The following DNAH7 variants were observed in gnomAD, a reference collection of about 807,000 sequenced individuals.
DNAH7 encodes dynein axonemal heavy chain 7, also known as axonemal beta dynein heavy chain 7.
DNAH7 carries 397 observed loss-of-function variants against 444.6 expected under a neutral mutation model. That is an observed-to-expected ratio of 0.89 (90% CI 0.82 to 0.97). The LOEUF is 0.97. Ranked by LOEUF, DNAH7 falls within the 50% of genes least tolerant of loss-of-function variation. DNAH7 has a pLI of 0.00. For missense variants in DNAH7, 4,902 were observed against 4,800.8 expected, an observed-to-expected ratio of 1.02 and a Z score of -0.62; for synonymous variants, 1,636 against 1,624.4, an observed-to-expected ratio of 1.01 and a Z score of -0.17.
intron 2 of DNAH7, among the ~76,000 whole-genome samples, chr2:196,051,748 C>T (rs1219214444): frequency 2.0e-5 from 3 of 151,930 alleles, no homozygotes; most frequent in Non-Finnish European, 4.4e-5. Flanking sequence ...GCCTGGGCGA[C>T]AGAGCAACAC....
chr2:195,778,733 C>CACAT (rs1553518262), intron 58 of DNAH7, among the ~76,000 whole-genome samples: 4 of 117,226 alleles, frequency 3.4e-5, no homozygotes, highest in Non-Finnish European at 6.6e-5. Context: ...TATATATACA[C>CACAT]ATATATATAT....
intron 46 of DNAH7, among the ~76,000 whole-genome samples, chr2:195,850,021 G>A (rs777266351): frequency 4.6e-5 from 7 of 152,196 alleles, no homozygotes; most frequent in Non-Finnish European, 1.5e-5. Context: ...GCTAGCCTAT[G>A]ACATAGGGAA....
chr2:195,959,084 TTTAA>T (rs1009908216), intron 18 of DNAH7, among the ~76,000 whole-genome samples: 11 of 151,766 alleles, frequency 7.2e-5, no homozygotes, highest in African/African-American at 2.2e-4. Flanking sequence ...AATTAATTAA[TTTAA>T]TTAAATAGCA....
At chr2:195,990,902 T>C (rs1422169556) in intron 12 of DNAH7, among the ~76,000 whole-genome samples, 2 of 141,334 alleles carry the variant, frequency 1.4e-5, no homozygotes, top group South Asian at 2.2e-4. Context: ...TATATACATA[T>C]ATATACTTAA....
At chr2:195,786,219 A>G (rs959934920) in intron 58 of DNAH7, among the ~76,000 whole-genome samples, 1 of 152,224 alleles carries the variant, frequency 6.6e-6, no homozygotes, top group Non-Finnish European at 1.5e-5. Context: ...GTCATAATTT[A>G]CTAAGTTTCA....
intron 47 of DNAH7, among the ~76,000 whole-genome samples, chr2:195,837,842 T>A (rs1294657996): frequency 6.6e-6 from 1 of 152,080 alleles, no homozygotes; most frequent in Non-Finnish European, 1.5e-5. Flanking sequence ...AATCCAAGTA[T>A]TTTTCTTTTT....
At chr2:195,738,323 GC>G (rs1472254923) in intron 64 of DNAH7, among the ~76,000 whole-genome samples, 196 bp from the exon 65 acceptor site, 5 of 151,832 alleles carry the variant, frequency 3.3e-5, no homozygotes, top group Non-Finnish European at 5.9e-5. Context: ...AATAGTTTTC[GC>G]CTTCTCTTTC....
intron 52 of DNAH7, 76 bp from the exon 53 acceptor site, chr2:195,808,952 G>C (rs1168180432): frequency 7.7e-7 from 1 of 1,300,266 alleles, no homozygotes; most frequent in Non-Finnish European, 1.1e-6. Flanking sequence ...CATTATAAAA[G>C]AGTTGAGTGT....
rs1698915326 is a variant in DNAH7 at position 195,845,243 on chromosome 2, A to G, written c.8782-78T>C. 3.3e-5 allele frequency: 40 copies of G among 1,226,824 alleles called. 1 individual carries two copies. In the South Asian group the frequency reaches 6.3e-4, roughly 19 times the overall value. 76.0% of individuals were successfully genotyped at this position (1,226,824 alleles called of 1,614,324 possible). ...CATGCTTTATAATTCCTCAATTTAT[A>G]CTGTATTCATTGAGTCAACAAACCA... On this transcript the variant is annotated intron_variant, in intron 46 of 64. Transcript: ENST00000312428.
intron 61 of DNAH7, among the ~76,000 whole-genome samples, chr2:195,759,123 G>A (rs908118862): frequency 2.0e-5 from 3 of 152,170 alleles, no homozygotes; most frequent in African/African-American, 7.2e-5. Flanking sequence ...TGCAGCTCCA[G>A]GAGAGACTAC....
At chr2:196,068,290 G>A (rs1451251901) in intron 1 of DNAH7, 1 of 245,302 alleles carries the variant, frequency 4.1e-6, no homozygotes, top group Non-Finnish European at 7.8e-6. Flanking sequence ...GAGAACTAAG[G>A]CTTACAAAGA....
chr2:195,953,974 T>A (rs921882245), intron 19 of DNAH7, among the ~76,000 whole-genome samples: 1 of 152,126 alleles, frequency 6.6e-6, no homozygotes, highest in Non-Finnish European at 1.5e-5. Flanking sequence ...AATACTAACA[T>A]ATGGAGAAAG....
chr2:195,888,971 C>A lies in DNAH7; in HGVS notation c.5057G>T (p.Arg1686Met), dbSNP rs1309964592. 5.1e-5 allele frequency: 82 copies of A among 1,612,422 alleles called. No individual in the cohort carries two copies. Among genetic ancestry groups the A allele is most frequent in the Non-Finnish European group, 6.7e-5 (79 of 1,179,540 alleles). Residue 1686 changes from arginine (R) to methionine (M), a missense_variant, in exon 32 of 65, where the codon AGG becomes ATG. Arg to Met is a moderately conservative substitution (Grantham distance 91). Coordinates refer to ENST00000312428, the MANE Select transcript of DNAH7 (RefSeq NM_018897.3). Reference sequence around the variant, plus strand: ...TGGGCCATCAAAAATTAACCATTTCCTATCTGGAGTCTGTTTCATGCATAT... The same window carrying A: ...TGGGCCATCAAAAATTAACCATTTCATATCTGGAGTCTGTTTCATGCATAT... ...RAFASSVTPD[R>M]KWLIFDGPVD...
At chr2:196,022,059 A>G (rs574892580) in intron 8 of DNAH7, among the ~76,000 whole-genome samples, 285 of 152,152 alleles carry the variant, frequency 1.9e-3, no homozygotes, top group African/African-American at 6.4e-3. Flanking sequence ...ACCCAGAGGC[A>G]GAGGTTGCAG....
chr2:195,771,359 A>T (rs770236671), intron 61 of DNAH7, among the ~76,000 whole-genome samples: 1 of 151,714 alleles, frequency 6.6e-6, no homozygotes, highest in Admixed American at 6.6e-5. Flanking sequence ...AATAATAATA[A>T]ATGAAAAAAT....
rs371128668 is a variant in DNAH7, at chr2:195,884,779, C to T, written c.5569G>A (p.Val1857Ile). 3.7e-3 allele frequency: 5,913 copies of T among 1,613,338 alleles called. 236 individuals carry two copies. The South Asian group carries it at 0.061, about 17-fold the overall frequency. The stretch of plus-strand genomic sequence containing the variant: ...TCATCATCTGTACAAGAAGCACCAA[C>T]GGACCAGATCAATGAAAACAGAAAA... ...GIFLFSLIWS[V>I]GASCTDDDRL... Residue 1857 changes from valine (V) to isoleucine (I), a missense_variant, in exon 35 of 65, where the codon GTT (valine) becomes ATT (isoleucine). Transcript: ENST00000312428.
At chr2:196,019,101 A>T in intron 9 of DNAH7, 69 bp downstream of exon 9, 2 of 1,325,958 alleles carry the variant, frequency 1.5e-6, no homozygotes, top group Non-Finnish European at 9.8e-7. Context: ...AGTAAAAGAA[A>T]TAATTAAGAT....
At chr2:195,959,028 T>A (rs1690893972) in intron 18 of DNAH7, among the ~76,000 whole-genome samples, 1 of 152,168 alleles carries the variant, frequency 6.6e-6, no homozygotes, top group African/African-American at 2.4e-5. Context: ...GCCACTGCAC[T>A]CCAGCCTGGG....
intron 48 of DNAH7, among the ~76,000 whole-genome samples, chr2:195,825,501 T>A (rs890296573): frequency 6.6e-6 from 1 of 151,956 alleles, no homozygotes. Context: ...ATATTAGTGT[T>A]CTCTTTTTTA....
Sources: allele counts gnomAD v4.1 joint callset (sites outside exome capture counted in the v4.1 genomes callset), GRCh38; gene constraint gnomAD v4.1.1; transcripts MANE v1.5; gene names NCBI Gene and HGNC (gene_info 2026-07-23, HGNC 2026-07-21).